Variants in UTRN observed in about 807,000 individuals in gnomAD.
The protein encoded by UTRN is utrophin.
A neutral mutation model predicts 463.9 loss-of-function variants in UTRN; 283 were observed. That is an observed-to-expected ratio of 0.61 (90% CI 0.55 to 0.67). The LOEUF is 0.67. Among genes scored for constraint, UTRN ranks in the 30% least tolerant of loss-of-function variants. UTRN has a pLI of 0.00. For missense variants in UTRN, 3,922 were observed against 4,084.3 expected, an observed-to-expected ratio of 0.96 and a Z score of 1.08; for synonymous variants, 1,442 against 1,431.5, an observed-to-expected ratio of 1.01 and a Z score of -0.17.
At chr6:144,412,698 A>G (rs1784003537) in intron 3 of UTRN, among the ~76,000 whole-genome samples, 1 of 150,856 alleles carries the variant, frequency 6.6e-6, no homozygotes, top group East Asian at 1.9e-4. Flanking sequence ...TGAATATATT[A>G]TGGTATATAC....
intron 2 of UTRN, among the ~76,000 whole-genome samples, chr6:144,380,679 G>C (rs988103287): frequency 2.6e-5 from 4 of 151,874 alleles, no homozygotes; most frequent in African/African-American, 9.7e-5. Flanking sequence ...GCTGGGCTTG[G>C]TGGCTCATGC....
chr6:144,574,999 C>A (rs1801297371), intron 50 of UTRN, among the ~76,000 whole-genome samples: 1 of 152,100 alleles, frequency 6.6e-6, no homozygotes, highest in Non-Finnish European at 1.5e-5. Flanking sequence ...AATGGCTGTA[C>A]TTTTACCTGC....
At chr6:144,579,049 A>C (rs760867950) in intron 51 of UTRN, among the ~76,000 whole-genome samples, 2 of 152,204 alleles carry the variant, frequency 1.3e-5, no homozygotes, top group Non-Finnish European at 2.9e-5. Context: ...ATGAAAACTC[A>C]TGGTGTTTTA....
In UTRN at chr6:144,851,178, G is replaced by C. The variant is rs1427689822; in HGVS notation, c.*181G>C. Reference sequence around the variant, plus strand: ...CTATCCAAAGAGAAATGGATATTTTGTTTTTATAATAACCATATATTATTG... The same window carrying C: ...CTATCCAAAGAGAAATGGATATTTTCTTTTTATAATAACCATATATTATTG... On this transcript the variant is annotated 3_prime_UTR_variant, in exon 75 of 75. Transcript: ENST00000367545. The C allele has an allele frequency of 2.7e-6, 2 of 732,850 alleles. No homozygotes were observed. Among genetic ancestry groups the C allele is most frequent in the Non-Finnish European group, 4.6e-6 (2 of 434,658 alleles). 45.4% of individuals were successfully genotyped at this position (732,850 alleles called of 1,614,324 possible).
At chr6:144,319,712 C>A (rs1237519277) in intron 2 of UTRN, among the ~76,000 whole-genome samples, 1 of 152,198 alleles carries the variant, frequency 6.6e-6, no homozygotes, top group African/African-American at 2.4e-5. Flanking sequence ...GGACCACAGG[C>A]ACATGCCACC....
At chr6:144,715,771 CTT>C (rs1177928009) in intron 53 of UTRN, among the ~76,000 whole-genome samples, 21 of 124,616 alleles carry the variant, frequency 1.7e-4, no homozygotes, top group Middle Eastern at 4.1e-3. Context: ...TTTTCTATGT[CTT>C]TTTTTTTTTT....
intron 64 of UTRN, among the ~76,000 whole-genome samples, chr6:144,801,056 A>G (rs1586630132): frequency 6.6e-6 from 1 of 152,212 alleles, no homozygotes; most frequent in Non-Finnish European, 1.5e-5. Flanking sequence ...TGTGCAAACA[A>G]CTTGTTTAAG....
chr6:144,793,307 G>T lies in UTRN; in HGVS notation c.8921-527G>T, dbSNP rs573587334. 6.6e-5 allele frequency among the ~76,000 whole-genome samples: 10 copies of T among 151,178 alleles called. 1 individual carries two copies. The South Asian group carries it at 2.1e-3, about 32-fold the overall frequency. On this transcript the variant is annotated intron_variant, in intron 62 of 74. Coordinates refer to ENST00000367545, the MANE Select transcript of UTRN (RefSeq NM_007124.3). ...TTATTTTTTTTTGAGTTGGGGTCTT[G>T]CTATGTTGCCCAAACTGGTCTCAAA...
chr6:144,483,879 G>A (rs1015589225), intron 27 of UTRN, among the ~76,000 whole-genome samples: 2 of 152,234 alleles, frequency 1.3e-5, no homozygotes, highest in African/African-American at 2.4e-5. Context: ...GGAAGCAAAT[G>A]TGTCCTCCCA....
At chr6:144,522,905 G>A (rs1314317079) in intron 40 of UTRN, 111 bp from the exon 41 acceptor site, 1 of 866,388 alleles carries the variant, frequency 1.2e-6, no homozygotes, top group Non-Finnish European at 1.7e-6. Flanking sequence ...CAATGATTAT[G>A]TCTCATTATT....
intron 30 of UTRN, 133 bp from the exon 31 acceptor site, chr6:144,489,938 C>T: frequency 7.6e-7 from 1 of 1,309,746 alleles, no homozygotes; most frequent in African/African-American, 1.5e-5. Flanking sequence ...CTTATTAAAG[C>T]TTCTGTGGAG....
chr6:144,340,159 T>C (rs1777036741), intron 2 of UTRN, among the ~76,000 whole-genome samples: 1 of 152,108 alleles, frequency 6.6e-6, no homozygotes, highest in Non-Finnish European at 1.5e-5. Flanking sequence ...ATAACAAGAC[T>C]GCGACTGCGT....
intron 61 of UTRN, among the ~76,000 whole-genome samples, chr6:144,782,422 T>C (rs995086495): frequency 2.0e-5 from 3 of 152,128 alleles, no homozygotes; most frequent in Non-Finnish European, 4.4e-5. Context: ...TAAGTCCTAC[T>C]TTCTTCTTGT....
At chr6:144,733,947 A>G (rs1220461229) in intron 54 of UTRN, among the ~76,000 whole-genome samples, 4 of 152,206 alleles carry the variant, frequency 2.6e-5, no homozygotes, top group African/African-American at 9.6e-5. Context: ...TTTATAACCT[A>G]TGCAATGCCT....
chr6:144,492,049 A>G (rs1793123776), intron 32 of UTRN, among the ~76,000 whole-genome samples: 1 of 152,114 alleles, frequency 6.6e-6, no homozygotes, highest in Non-Finnish European at 1.5e-5. Context: ...TAGGTTCAGG[A>G]AGTACATGTG....
chr6:144,775,984 G>C (rs191038931), intron 60 of UTRN, among the ~76,000 whole-genome samples: 1 of 152,162 alleles, frequency 6.6e-6, no homozygotes, highest in Non-Finnish European at 1.5e-5. Context: ...GTTAGAAAAG[G>C]GCTAGATTGT....
chr6:144,800,620 T>C (rs756003789), intron 64 of UTRN, among the ~76,000 whole-genome samples: 1 of 152,170 alleles, frequency 6.6e-6, no homozygotes, highest in Non-Finnish European at 1.5e-5. Flanking sequence ...GAACCTGAGT[T>C]TCTTCAACTT....
In UTRN at chr6:144,531,196, T is replaced by C; in HGVS notation, c.6051T>C (p.His2017=). The C allele has an allele frequency of 1.2e-6, 2 of 1,613,776 alleles. No homozygotes were observed. Among genetic ancestry groups the C allele is most frequent in the Non-Finnish European group, 1.7e-6 (2 of 1,179,784 alleles). ...TGGACTTAGAGAAAGCCAGGATACA[T>C]CAGCAGGTGAGTGCTTTCTGTTAGA... ...GSLDLEKARI[H]QQELEVGISS... Residue 2017 remains histidine (H), a synonymous_variant, in exon 42 of 75, where the codon CAT becomes CAC. Coordinates refer to ENST00000367545, the MANE Select transcript of UTRN (RefSeq NM_007124.3).
Position 144,440,406 on chromosome 6 carries a change from A to C in UTRN, c.1447A>C (p.Met483Leu), listed in dbSNP as rs142621533. 372 of 1,614,082 alleles carry C rather than the reference A, an allele frequency of 2.3e-4. 2 individuals carry two copies. Among genetic ancestry groups the C allele is most frequent in the Non-Finnish European group, 1.3e-4 (156 of 1,180,038 alleles). ...EQVKVNSLTHMVVIVDENSGE... is the reference protein window; with the variant it reads ...EQVKVNSLTHLVVIVDENSGE... The stretch of plus-strand genomic sequence containing the variant: ...GGTGAAAGTAAATTCACTAACTCAC[A>C]TGGTGGTCATTGTTGATGAAAACAG... The change falls in exon 13 of 75, where the codon ATG becomes CTG. Residue 483 changes from methionine (M) to leucine (L), a missense_variant. This residue lies in a region of UTRN where 2,349 missense variants were observed against 2,303.8 expected (regional missense o/e 1.02). Transcript: ENST00000367545.
Sources: gnomAD v4.1 joint callset for allele counts (sites outside exome capture counted in the v4.1 genomes callset) on GRCh38, gnomAD v4.1.1 for gene constraint, gnomAD v4.1.1 regional missense constraint, MANE v1.5 for transcripts, NCBI Gene and HGNC (gene_info 2026-07-23, HGNC 2026-07-21) for gene names.